EIF2B3: variants seen among roughly 807,000 people sequenced by gnomAD.
EIF2B3 encodes the protein translation initiation factor eIF2B subunit gamma.
Under a neutral mutation model 54.1 loss-of-function variants are expected in EIF2B3, and 20 were observed. The ratio of observed to expected loss-of-function variants is 0.37; its 90% CI spans 0.26 to 0.54. The LOEUF (loss-of-function observed/expected upper bound fraction) is 0.54, where lower values mean the gene tolerates loss of function less well. Among genes scored for constraint, EIF2B3 ranks in the 20% least tolerant of loss-of-function variants. The probability of loss-of-function intolerance (pLI) is 0.86; values close to 1 mark genes in which losing one functional copy is unlikely to be tolerated. For synonymous variants in EIF2B3, 153 were observed against 188.1 expected (o/e 0.81, Z 1.52); for missense variants, 448 against 547.8 (o/e 0.82, Z 1.82).
intron 5 of EIF2B3, among the ~76,000 whole-genome samples, chr1:44,914,421 A>G (rs1324859966): frequency 6.6e-6 from 1 of 152,152 alleles, no homozygotes; most frequent in African/African-American, 2.4e-5. Flanking sequence ...TCGGCCTCTC[A>G]AAGTGTTGGG....
At chr1:44,917,935 G>A (rs1273678056) in intron 5 of EIF2B3, among the ~76,000 whole-genome samples, 4 of 149,828 alleles carry the variant, frequency 2.7e-5, no homozygotes, top group Non-Finnish European at 4.5e-5. Context: ...CACCACGCCC[G>A]GCTAATTTTT....
At chr1:44,983,671 A>G (rs1401532303) in intron 1 of EIF2B3, among the ~76,000 whole-genome samples, 2 of 151,926 alleles carry the variant, frequency 1.3e-5, no homozygotes, top group East Asian at 3.9e-4. Flanking sequence ...CAGGAGTTCA[A>G]GAGCAGCCTG....
At chr1:44,873,480 A>G (rs1299149797) in intron 10 of EIF2B3, among the ~76,000 whole-genome samples, 1 of 152,026 alleles carries the variant, frequency 6.6e-6, no homozygotes, top group East Asian at 1.9e-4. Flanking sequence ...CATCCTTTCA[A>G]TAGAGTTATA....
chr1:44,907,711 A>T (rs1364368210), intron 5 of EIF2B3, among the ~76,000 whole-genome samples: 3 of 151,222 alleles, frequency 2.0e-5, no homozygotes, highest in Non-Finnish European at 4.4e-5. Flanking sequence ...GACCAGCCTG[A>T]CCAACATGGA....
rs1421380807 is a variant in EIF2B3, at chr1:44,854,749, G to A, written c.1306+2955C>T. Among the ~76,000 whole-genome samples, 11 of 151,782 alleles carry A rather than the reference G, an allele frequency of 7.2e-5. No individual in the cohort carries two copies. In the East Asian group the frequency reaches 1.4e-3, roughly 19 times the overall value. ...ATTACAGGCATGCACTACCACGCCC[G>A]GCTAATTTTTTGTATTTTTAGTAGA... On this transcript the variant is annotated intron_variant, in intron 11 of 11. Transcript: ENST00000360403.
chr1:44,958,462 T>TCTTTGGTG, intron 3 of EIF2B3: 1 of 688,820 alleles, frequency 1.5e-6, no homozygotes, highest in Non-Finnish European at 2.4e-6. Flanking sequence ...AGTCTGGACC[T>TCTTTGGTG]CTTTGGTGCT....
At chr1:44,883,628 C>G (rs1655483416) in intron 6 of EIF2B3, among the ~76,000 whole-genome samples, 1 of 152,180 alleles carries the variant, frequency 6.6e-6, no homozygotes, top group Non-Finnish European at 1.5e-5. Context: ...GCCCACCAAA[C>G]CATCCTTGAA....
In EIF2B3 at chr1:44,913,501, GA is replaced by G. The variant is rs112520282; in HGVS notation, c.566+13126del. On this transcript the variant is annotated intron_variant, in intron 5 of 11. Transcript: ENST00000360403. ...GATGGCCCTGTTGCCTGTTTTAATG[GA>G]AAAAAAAAAAAAATCTTGTACAGAT... Among the ~76,000 whole-genome samples, 574 of 143,304 alleles carry G rather than the reference GA, an allele frequency of 4.0e-3. 4 individuals carry two copies. The highest frequency in any genetic ancestry group is 9.3e-3 in the African/African-American group (366 of 39,528). The allele number at this position is 143,304 out of a possible 152,430, so 94.0% of individuals were successfully genotyped here. A position where few individuals can be genotyped will look rare whatever the true frequency, so the allele number is the denominator to read the frequency against.
chr1:44,922,591 CAA>C (rs58626731), intron 5 of EIF2B3, among the ~76,000 whole-genome samples: 7 of 87,532 alleles, frequency 8.0e-5, no homozygotes, highest in Admixed American at 1.3e-4. Context: ...TGTCTCAAGA[CAA>C]AAAAAAAAAA....
intron 8 of EIF2B3, among the ~76,000 whole-genome samples, chr1:44,876,237 C>T (rs1017625923): frequency 2.7e-5 from 4 of 150,812 alleles, no homozygotes; most frequent in South Asian, 2.1e-4. Flanking sequence ...TCTGCCTGGC[C>T]GCCATCCCAT....
At chr1:44,876,789 T>C (rs895020707) in intron 8 of EIF2B3, among the ~76,000 whole-genome samples, 1 of 144,938 alleles carries the variant, frequency 6.9e-6, no homozygotes, top group South Asian at 2.3e-4. Context: ...AGAAATCGGA[T>C]GGTTGCTGTG....
intron 3 of EIF2B3, among the ~76,000 whole-genome samples, chr1:44,975,562 A>C (rs1419216715): frequency 6.6e-6 from 1 of 152,262 alleles, no homozygotes; most frequent in Non-Finnish European, 1.5e-5. Flanking sequence ...GTACAGTAAA[A>C]ATATGGTATT....
intron 3 of EIF2B3, among the ~76,000 whole-genome samples, chr1:44,972,152 G>T (rs1015528864): frequency 2.0e-5 from 3 of 151,976 alleles, no homozygotes; most frequent in African/African-American, 7.3e-5. Flanking sequence ...ACTTTGGGAG[G>T]CCAAGGTGGA....
Position 44,881,741 on chromosome 1 carries a change from T to C in EIF2B3, c.657-2A>G. The C allele has an allele frequency of 6.2e-7, 1 of 1,614,020 alleles. No homozygotes were observed. Among genetic ancestry groups the C allele is most frequent in the South Asian group, 1.1e-5 (1 of 91,080 alleles). Reference sequence around the variant, plus strand: ...TCACTCCGGATAGAAGTTATTGACCTAGAAAGAAAGAATGGCCAAATATGA... The same window carrying C: ...TCACTCCGGATAGAAGTTATTGACCCAGAAAGAAAGAATGGCCAAATATGA... On this transcript the variant is annotated splice_acceptor_variant, in intron 6 of 11. Transcript: ENST00000360403. LOFTEE classifies it high-confidence loss of function. The surrounding 1 kb of genome is among the most constrained non-coding windows in gnomAD (Gnocchi z 4.0).
At chr1:44,882,988 G>A (rs973327585) in intron 6 of EIF2B3, among the ~76,000 whole-genome samples, 20 of 145,038 alleles carry the variant, frequency 1.4e-4, no homozygotes, top group African/African-American at 4.4e-4. Context: ...GGAGTGTAGC[G>A]GTGCGATCTT....
At position 44,869,200 on chromosome 1, in the gene EIF2B3, G is replaced by A. The variant is rs182874081; in HGVS notation, c.1202+5478C>T. The stretch of plus-strand genomic sequence containing the variant: ...ACTATCCTAAATGCTTTATATGGCC[G>A]GGCATGGTGGCTCATGCCTGTAATC... On this transcript the variant is annotated intron_variant, in intron 10 of 11. Coordinates refer to ENST00000360403, the MANE Select transcript of EIF2B3 (RefSeq NM_020365.5). Among the ~76,000 whole-genome samples, 973 of 152,172 alleles carry A rather than the reference G, an allele frequency of 6.4e-3. 8 individuals are homozygous for A. The highest frequency in any genetic ancestry group is 9.3e-3 in the Non-Finnish European group (631 of 68,006).
intron 8 of EIF2B3, among the ~76,000 whole-genome samples, chr1:44,879,264 G>T (rs529571039): frequency 4.6e-5 from 7 of 152,154 alleles, no homozygotes; most frequent in Admixed American, 4.6e-4. Context: ...TTCTCCTTCA[G>T]TGGAAGCTAT....
At chr1:44,937,808 C>T (rs962221033) in intron 4 of EIF2B3, among the ~76,000 whole-genome samples, 1 of 139,962 alleles carries the variant, frequency 7.1e-6, no homozygotes, top group Non-Finnish European at 1.5e-5. Context: ...GCCGTGAACC[C>T]GGGAGGCGGA....
intron 3 of EIF2B3, chr1:44,958,664 T>A: frequency 6.3e-7 from 1 of 1,593,792 alleles, no homozygotes; most frequent in South Asian, 1.1e-5. Context: ...GTGATCAGCA[T>A]GGCAGTGGTG....
Sources: allele counts gnomAD v4.1 joint callset (sites outside exome capture counted in the v4.1 genomes callset), GRCh38; gene constraint gnomAD v4.1.1; non-coding constraint Gnocchi (gnomAD v3.1); transcripts MANE v1.5; gene names NCBI Gene and HGNC (gene_info 2026-07-23, HGNC 2026-07-21).